TSGA10: variants seen among roughly 807,000 people sequenced by gnomAD.
The protein encoded by TSGA10 is testis-specific gene 10 protein.
A neutral mutation model predicts 96.6 loss-of-function variants in TSGA10; 43 were observed. The ratio of observed to expected loss-of-function variants is 0.44; its 90% CI spans 0.35 to 0.57. The LOEUF (loss-of-function observed/expected upper bound fraction) is 0.57. Ranked by LOEUF, TSGA10 falls within the 20% of genes least tolerant of loss-of-function variation. TSGA10 has a pLI of 0.01. For synonymous variants in TSGA10, 229 were observed against 269.9 expected, an observed-to-expected ratio of 0.85 and a Z score of 1.48; for missense variants, 703 against 834.4, an observed-to-expected ratio of 0.84 and a Z score of 1.94.
intron 20 of TSGA10, among the ~76,000 whole-genome samples, chr2:99,008,028 C>A (rs1482093723): frequency 6.6e-6 from 1 of 152,104 alleles, no homozygotes; most frequent in Non-Finnish European, 1.5e-5. Flanking sequence ...AAAATTAGAT[C>A]CATTTCTCAA....
At chr2:99,056,047 C>CA (rs1225532097) in intron 16 of TSGA10, among the ~76,000 whole-genome samples, 2 of 150,964 alleles carry the variant, frequency 1.3e-5, no homozygotes, top group Non-Finnish European at 1.5e-5. Flanking sequence ...ACTAAAAATA[C>CA]AAAAAAAATT....
At chr2:99,067,322 T>G (rs2085371393) in intron 15 of TSGA10, among the ~76,000 whole-genome samples, 1 of 152,232 alleles carries the variant, frequency 6.6e-6, no homozygotes, top group Non-Finnish European at 1.5e-5. Flanking sequence ...CCTGCATCCA[T>G]CCAGTGTTAT....
intron 2 of TSGA10, chr2:99,125,249 A>G (rs1336196285): frequency 3.3e-5 from 5 of 152,216 alleles, no homozygotes; most frequent in African/African-American, 9.6e-5. Flanking sequence ...ATAGGTGTAC[A>G]ACAGTTTGCT....
intron 10 of TSGA10, chr2:99,102,469 C>G: frequency 1.9e-6 from 3 of 1,613,640 alleles, no homozygotes; most frequent in Non-Finnish European, 2.5e-6. Flanking sequence ...TCCTTGGTAG[C>G]CCTTGCTCTG....
intron 14 of TSGA10, among the ~76,000 whole-genome samples, chr2:99,070,571 T>G (rs979184867): frequency 2.0e-5 from 3 of 152,158 alleles, no homozygotes; most frequent in African/African-American, 2.4e-5. Flanking sequence ...ACTTTTTGTT[T>G]AGAAAAAAGA....
chr2:99,016,775 AG>A (rs1288697653), intron 20 of TSGA10, among the ~76,000 whole-genome samples: 2 of 152,234 alleles, frequency 1.3e-5, no homozygotes, highest in Admixed American at 6.5e-5. Context: ...GGAATCTACA[AG>A]GAAGTCAAAC....
chr2:99,076,258 C>A (rs1408640526), intron 12 of TSGA10, among the ~76,000 whole-genome samples: 1 of 152,128 alleles, frequency 6.6e-6, no homozygotes, highest in Non-Finnish European at 1.5e-5. Context: ...CCTTAAGAGA[C>A]CTATTTCTCT....
rs1229831309 is a variant in TSGA10, at chr2:99,059,080, TTATA to T, written c.1404+5855_1404+5858del. On this transcript the variant is annotated intron_variant, in intron 16 of 20. Coordinates refer to ENST00000393483, the MANE Select transcript of TSGA10 (RefSeq NM_025244.4). ...TATATATATATATATTTATATATTTTTATATATATATATATATGCAATCTAATAA... is the reference window on the plus strand; with the variant it reads ...TATATATATATATATTTATATATTTTTATATATATATATGCAATCTAATAA... 2.0e-3 allele frequency among the ~76,000 whole-genome samples: 110 copies of T among 54,346 alleles called. 2 individuals carry two copies. The East Asian group carries it at 0.036, about 18-fold the overall frequency. The allele number at this position is 54,346 out of a possible 152,430, so 35.7% of individuals were successfully genotyped here.
intron 17 of TSGA10, among the ~76,000 whole-genome samples, chr2:99,025,175 T>C (rs2080450924): frequency 6.6e-6 from 1 of 152,224 alleles, no homozygotes; most frequent in Admixed American, 6.5e-5. Context: ...TGTTGTCTTC[T>C]ACTTTTGGAA....
intron 14 of TSGA10, among the ~76,000 whole-genome samples, chr2:99,071,121 T>C (rs771155699): frequency 1.4e-4 from 21 of 152,156 alleles, no homozygotes; most frequent in Non-Finnish European, 2.2e-4. Context: ...CTGAAAGTGA[T>C]ACAAAGTGGG....
chr2:99,147,390 T>C (rs1048667486), intron 1 of TSGA10: 2 of 1,319,220 alleles, frequency 1.5e-6, no homozygotes, highest in African/African-American at 1.4e-5. Flanking sequence ...TATTCTTACA[T>C]ATATATTCCA....
chr2:99,007,724 A>G (rs1350745975), intron 20 of TSGA10, among the ~76,000 whole-genome samples: 1 of 152,236 alleles, frequency 6.6e-6, no homozygotes, highest in African/African-American at 2.4e-5. Context: ...GTGATATAAA[A>G]GATCTGCAAA....
intron 16 of TSGA10, among the ~76,000 whole-genome samples, chr2:99,051,240 C>T (rs1573867961): frequency 1.3e-5 from 2 of 152,124 alleles, no homozygotes; most frequent in East Asian, 3.8e-4. Context: ...TATATGCTGT[C>T]TGTAAGGGAC....
intron 9 of TSGA10, among the ~76,000 whole-genome samples, chr2:99,104,543 C>T (rs929956144): frequency 4.6e-5 from 7 of 151,738 alleles, no homozygotes; most frequent in Admixed American, 2.6e-4. Flanking sequence ...GGCGCGATCT[C>T]GGCTCACTGC....
chr2:99,051,743 C>A (rs2083413595), intron 16 of TSGA10, among the ~76,000 whole-genome samples: 1 of 151,102 alleles, frequency 6.6e-6, no homozygotes, highest in Non-Finnish European at 1.5e-5. Context: ...ACAACAAAAT[C>A]AAGAAATTTT....
chr2:99,049,305 C>T (rs2104333444), intron 16 of TSGA10, among the ~76,000 whole-genome samples: 1 of 152,220 alleles, frequency 6.6e-6, no homozygotes, highest in South Asian at 2.1e-4. Context: ...GCACTATTCA[C>T]AATAGCAAAG....
Position 98,997,722 on chromosome 2 carries a change from T to G in TSGA10, c.*475A>C, listed in dbSNP as rs2278896. On this transcript the variant is annotated 3_prime_UTR_variant, in exon 21 of 21. Coordinates refer to ENST00000393483, the MANE Select transcript of TSGA10 (RefSeq NM_025244.4). ...TTATGGCATGGAATTCATGTAAGGT[T>G]GGTTCCAAAATGGAATATCAGATCC... The G allele has an allele frequency of 6.0e-4, 91 of 152,874 alleles. 1 individual carries two copies. The East Asian group carries it at 9.4e-3, about 16-fold the overall frequency. 9.5% of individuals were successfully genotyped at this position (152,874 alleles called of 1,614,324 possible). A position where few individuals can be genotyped will look rare whatever the true frequency, so the allele number is the denominator to read the frequency against.
chr2:99,049,991 A>G (rs905422211), intron 16 of TSGA10, among the ~76,000 whole-genome samples: 9 of 152,190 alleles, frequency 5.9e-5, no homozygotes, highest in Admixed American at 1.3e-4. Flanking sequence ...AATATTACAT[A>G]AGATGATACA....
chr2:99,046,637 A>G lies in TSGA10; in HGVS notation c.1405-11198T>C, dbSNP rs543821857. ...AGAAAGCAAGAAAGATCTAAAATTG[A>G]CAAACTAACATCACAATTAAAAGAA... On this transcript the variant is annotated intron_variant, in intron 16 of 20. Transcript: ENST00000393483. 6.6e-5 allele frequency among the ~76,000 whole-genome samples: 10 copies of G among 152,346 alleles called. No homozygotes were observed. In the South Asian group the frequency reaches 1.7e-3, roughly 25 times the overall value.
Sources: gnomAD v4.1 joint callset for allele counts (sites outside exome capture counted in the v4.1 genomes callset) on GRCh38, gnomAD v4.1.1 for gene constraint, MANE v1.5 for transcripts, NCBI Gene and HGNC (gene_info 2026-07-23, HGNC 2026-07-21) for gene names.